LDLRAD4: variants seen among roughly 807,000 people sequenced by gnomAD.
The protein encoded by LDLRAD4 is low-density lipoprotein receptor class A domain-containing protein 4.
Under a neutral mutation model 17.0 loss-of-function variants are expected in LDLRAD4, and 5 were observed. The observed-to-expected ratio is 0.29, with a 90% CI of 0.15 to 0.62. LDLRAD4 has a LOEUF of 0.62. Among genes scored for constraint, LDLRAD4 ranks in the 20% least tolerant of loss-of-function variants. LDLRAD4 has a pLI of 0.84. For synonymous variants in LDLRAD4, 168 were observed against 171.8 expected (o/e 0.98, Z 0.17); for missense variants, 340 against 424.7 (o/e 0.80, Z 1.75).
intron 1 of LDLRAD4, among the ~76,000 whole-genome samples, chr18:13,231,814 TG>T (rs2042093026): frequency 6.6e-6 from 1 of 152,214 alleles, no homozygotes; most frequent in African/African-American, 2.4e-5. Context: ...GTATAATTAA[TG>T]GATTTGTTTC....
chr18:13,500,315 C>G (rs371730176), intron 3 of LDLRAD4, among the ~76,000 whole-genome samples: 1 of 152,232 alleles, frequency 6.6e-6, no homozygotes, highest in Non-Finnish European at 1.5e-5. Flanking sequence ...TCCTCTGGAG[C>G]GCCTCCTCTG....
At chr18:13,245,197 A>G (rs112018958) in intron 1 of LDLRAD4, among the ~76,000 whole-genome samples, 6,906 of 152,184 alleles carry the variant, frequency 0.045, 235 homozygotes, top group Non-Finnish European at 0.072. Context: ...AGTCTGCAGG[A>G]CCCATGTGTA....
chr18:13,643,549 C>T (rs1241919127), intron 5 of LDLRAD4, 137 bp downstream of exon 6: 1 of 447,958 alleles, frequency 2.2e-6, no homozygotes, highest in Non-Finnish European at 3.8e-6. Context: ...AAGGCATTGC[C>T]TAGAACTTTG....
intron 1 of LDLRAD4, among the ~76,000 whole-genome samples, chr18:13,368,035 TAAAA>T (rs1279136094): frequency 2.0e-5 from 3 of 151,992 alleles, no homozygotes; most frequent in Admixed American, 1.3e-4. Context: ...TCTCATAAAA[TAAAA>T]TAAGGAACAG....
chr18:13,318,161 C>T lies in LDLRAD4; in HGVS notation c.-383+39973C>T, dbSNP rs61186022. Among the ~76,000 whole-genome samples, 923 of 152,322 alleles carry T rather than the reference C, an allele frequency of 6.1e-3. 10 individuals are homozygous for T. The highest frequency in any genetic ancestry group is 0.021 in the African/African-American group (878 of 41,566). On this transcript the variant is annotated intron_variant, in intron 1 of 5. Transcript: ENST00000359446. ...CGCAGGGGTCCCTTCAAGGCAGGAC[C>T]GCTCACCTGGAGCTTCCGGCTTTCC...
Position 13,440,888 on chromosome 18 carries a change from T to C in LDLRAD4, c.181+2504T>C, listed in dbSNP as rs1377871869. Among the ~76,000 whole-genome samples the C allele has an allele frequency of 6.6e-5, 10 of 152,316 alleles. No homozygotes were observed. The highest frequency in any genetic ancestry group is 1.5e-4 in the Non-Finnish European group (10 of 68,028). ...GGTGTCCACAAGTGCACTTGCCCAG[T>C]GATCCTGGATGATTCTCCCTATTCT... On this transcript the variant is annotated intron_variant, in intron 3 of 5. Transcript: ENST00000359446. The surrounding 1 kb of genome is among the most constrained non-coding windows in gnomAD (Gnocchi z 4.4).
At chr18:13,464,717 CTT>C (rs34872294) in intron 3 of LDLRAD4, among the ~76,000 whole-genome samples, 35 of 134,662 alleles carry the variant, frequency 2.6e-4, no homozygotes, top group Non-Finnish European at 2.6e-4. Context: ...CAGAGCCTGA[CTT>C]TTTTTTTTTT....
intron 1 of LDLRAD4, among the ~76,000 whole-genome samples, chr18:13,325,767 T>C (rs2081496768): frequency 6.6e-6 from 1 of 152,072 alleles, no homozygotes; most frequent in Middle Eastern, 3.4e-3. Flanking sequence ...CTTTTTTTTT[T>C]TTTGAGACGG....
At chr18:13,418,928 TA>T (rs2145820786) in intron 2 of LDLRAD4, among the ~76,000 whole-genome samples, 1 of 152,302 alleles carries the variant, frequency 6.6e-6, no homozygotes, top group East Asian at 1.9e-4. Context: ...AGATTTTATA[TA>T]AATGAATACA....
chr18:13,218,891 T>C (rs1365592109), exon 1 of LDLRAD4: 1 of 152,390 alleles, frequency 6.6e-6, no homozygotes, highest in Non-Finnish European at 1.5e-5. Flanking sequence ...GGCCCGGCAC[T>C]TGCCTTTGTG....
At chr18:13,354,920 C>T (rs1417160140) in intron 1 of LDLRAD4, among the ~76,000 whole-genome samples, 1 of 152,180 alleles carries the variant, frequency 6.6e-6, no homozygotes, top group Admixed American at 6.5e-5. Context: ...CACTCATCTT[C>T]AAGGAGGTTC....
chr18:13,535,787 G>C (rs191963005), intron 3 of LDLRAD4, among the ~76,000 whole-genome samples: 1 of 152,080 alleles, frequency 6.6e-6, no homozygotes, highest in African/African-American at 2.4e-5. Context: ...AACAGTTTCA[G>C]CTTTTATGTT....
intron 3 of LDLRAD4, among the ~76,000 whole-genome samples, chr18:13,560,788 T>C (rs2094532395): frequency 6.6e-6 from 1 of 152,190 alleles, no homozygotes; most frequent in Non-Finnish European, 1.5e-5. Flanking sequence ...ACATCAAGTG[T>C]CCATGAAGCT....
In LDLRAD4 at chr18:13,571,550, C is replaced by T. The variant is rs528790007; in HGVS notation, c.182-49567C>T. On this transcript the variant is annotated intron_variant, in intron 3 of 5. Coordinates refer to ENST00000359446, the Ensembl canonical transcript of LDLRAD4. ...TGTTCTTTAAGCTCACGCATGATGG[C>T]GTTGGGTAGTTTGCCTGATACAATG... 1.2e-4 allele frequency among the ~76,000 whole-genome samples: 19 copies of T among 152,288 alleles called. No individual in the cohort carries two copies. In the South Asian group the frequency reaches 2.1e-3, roughly 17 times the overall value.
chr18:13,279,846 C>T (rs1024339634), intron 1 of LDLRAD4: 2 of 152,218 alleles, frequency 1.3e-5, no homozygotes, highest in Non-Finnish European at 2.9e-5. Flanking sequence ...GATTGCGAGG[C>T]GTCGTAAGAA....
chr18:13,387,710 T>C, exon 2 of LDLRAD4: 1 of 1,613,820 alleles, frequency 6.2e-7, no homozygotes, highest in Non-Finnish European at 8.5e-7. Context: ...CACAGGCTTG[T>C]CCGGGGAGCA....
intron 3 of LDLRAD4, chr18:13,472,793 T>G (rs1248775561): frequency 6.6e-6 from 1 of 152,254 alleles, no homozygotes; most frequent in African/African-American, 2.4e-5. Context: ...AACATACTCC[T>G]TGTTTGTTTT....
intron 3 of LDLRAD4, among the ~76,000 whole-genome samples, chr18:13,573,212 C>A (rs1196026375): frequency 5.3e-5 from 8 of 152,214 alleles, no homozygotes; most frequent in Non-Finnish European, 1.2e-4. Flanking sequence ...TGAAGCGATT[C>A]TTTTGCCTCA....
chr18:13,329,525 A>G (rs999396448), intron 1 of LDLRAD4, among the ~76,000 whole-genome samples: 2 of 152,192 alleles, frequency 1.3e-5, no homozygotes, highest in African/African-American at 2.4e-5. Context: ...GATGTGGTCA[A>G]ATCTATCAGT....
Sources: gnomAD v4.1 joint callset for allele counts (sites outside exome capture counted in the v4.1 genomes callset) on GRCh38, gnomAD v4.1.1 for gene constraint, Gnocchi (gnomAD v3.1) non-coding constraint, MANE v1.5 for transcripts, NCBI Gene and HGNC (gene_info 2026-07-23, HGNC 2026-07-21) for gene names.